CSMD1: variants seen among roughly 807,000 people sequenced by gnomAD.
The protein encoded by CSMD1 is CUB and Sushi multiple domains 1.
CSMD1 carries 213 observed loss-of-function variants against 417.5 expected under a neutral mutation model. That is an observed-to-expected ratio of 0.51 (90% CI 0.46 to 0.57). The LOEUF (loss-of-function observed/expected upper bound fraction) is 0.57, where lower values mean the gene tolerates loss of function less well. CSMD1 is among the 20% of genes least tolerant of loss of function. The probability of loss-of-function intolerance (pLI) is 0.00; values close to 1 mark genes in which losing one functional copy is unlikely to be tolerated. For synonymous variants in CSMD1, 2,862 were observed against 1,736.8 expected (o/e 1.65, Z -16.11); for missense variants, 6,923 against 4,529.7 (o/e 1.53, Z -15.17).
intron 1 of CSMD1, among the ~76,000 whole-genome samples, chr8:4,837,824 T>G (rs1800592620): frequency 6.6e-6 from 1 of 152,162 alleles, no homozygotes; most frequent in African/African-American, 2.4e-5. Flanking sequence ...ATGATGCACT[T>G]ATTTGATATA....
At chr8:3,890,840 T>C (rs764525170) in intron 5 of CSMD1, among the ~76,000 whole-genome samples, 1 of 152,112 alleles carries the variant, frequency 6.6e-6, no homozygotes, top group African/African-American at 2.4e-5. Flanking sequence ...AAAATGCTCA[T>C]ACTCAGTAAG....
chr8:2,968,940 A>C (rs1490668607), intron 57 of CSMD1, among the ~76,000 whole-genome samples: 7 of 152,140 alleles, frequency 4.6e-5, no homozygotes, highest in Non-Finnish European at 1.0e-4. Context: ...ATATAATAAA[A>C]TATTATGCTT....
At chr8:4,735,776 T>A (rs1220859008) in intron 1 of CSMD1, among the ~76,000 whole-genome samples, 1 of 152,102 alleles carries the variant, frequency 6.6e-6, no homozygotes, top group East Asian at 1.9e-4. Flanking sequence ...AGCCGAGGAT[T>A]TGAATTTTAG....
intron 3 of CSMD1, among the ~76,000 whole-genome samples, chr8:4,332,306 T>C (rs1799910911): frequency 6.6e-6 from 1 of 152,100 alleles, no homozygotes; most frequent in African/African-American, 2.4e-5. Context: ...GGAGATGCTC[T>C]TTCAGTCCTT....
chr8:4,682,212 T>G (rs927852898), intron 1 of CSMD1, among the ~76,000 whole-genome samples: 1 of 152,084 alleles, frequency 6.6e-6, no homozygotes, highest in Non-Finnish European at 1.5e-5. Flanking sequence ...ATTGTTTTTG[T>G]AGAGATGGGA....
intron 1 of CSMD1, among the ~76,000 whole-genome samples, chr8:4,936,144 T>C (rs1420790357): frequency 6.6e-6 from 1 of 152,234 alleles, no homozygotes; most frequent in Non-Finnish European, 1.5e-5. Context: ...CACATAATCT[T>C]TCTTGCTACA....
chr8:4,392,456 T>C (rs1369068285), intron 3 of CSMD1, among the ~76,000 whole-genome samples: 1 of 152,016 alleles, frequency 6.6e-6, no homozygotes, highest in South Asian at 2.1e-4. Flanking sequence ...TTAAAAGAAT[T>C]ATCAGTCCAT....
chr8:4,096,469 T>C (rs551485951), intron 3 of CSMD1, among the ~76,000 whole-genome samples: 99 of 152,146 alleles, frequency 6.5e-4, no homozygotes, highest in Non-Finnish European at 1.1e-3. Flanking sequence ...GTAAGAATCT[T>C]TGAGGCAATC....
intron 10 of CSMD1, among the ~76,000 whole-genome samples, chr8:3,559,366 T>A (rs1442897257): frequency 1.3e-5 from 2 of 152,178 alleles, no homozygotes; most frequent in Non-Finnish European, 2.9e-5. Context: ...AGGAGTAAGC[T>A]GATGGGAAGA....
intron 1 of CSMD1, among the ~76,000 whole-genome samples, chr8:4,983,649 T>C (rs922229751): frequency 1.3e-5 from 2 of 152,082 alleles, no homozygotes; most frequent in African/African-American, 2.4e-5. Flanking sequence ...CAACCTCCCA[T>C]GTAGCTTGGA....
At chr8:3,999,454 G>A (rs543171893) in intron 4 of CSMD1, among the ~76,000 whole-genome samples, 3 of 152,218 alleles carry the variant, frequency 2.0e-5, no homozygotes, top group African/African-American at 7.2e-5. Context: ...AGCGATGTTC[G>A]TTTTATTTTG....
intron 20 of CSMD1, among the ~76,000 whole-genome samples, chr8:3,361,588 G>A (rs181599944): frequency 4.2e-4 from 58 of 138,390 alleles, no homozygotes; most frequent in African/African-American, 1.4e-3. Context: ...GGAGGTGGAG[G>A]TTGCAGTGAG....
rs185921996 is a variant in CSMD1 at position 4,730,145 on chromosome 8, C to T, written c.86-92587G>A. Among the ~76,000 whole-genome samples the T allele has an allele frequency of 6.3e-4, 95 of 151,996 alleles. 2 individuals carry two copies. The highest frequency in any genetic ancestry group is 2.4e-4 in the Non-Finnish European group (16 of 67,978). On this transcript the variant is annotated intron_variant, in intron 1 of 69. Transcript: ENST00000635120. ...GCATTGAGAAGTACTTGGAGAGATT[C>T]CCAGAATGCAAAGCATGGTCTCAGT... is the stretch of plus-strand genomic sequence containing the variant.
intron 6 of CSMD1, among the ~76,000 whole-genome samples, chr8:3,746,284 A>G (rs182998884): frequency 3.9e-4 from 59 of 152,346 alleles, no homozygotes; most frequent in African/African-American, 1.3e-3. Context: ...GGGATTGATA[A>G]CCTACCTGAA....
chr8:4,447,072 TCA>T (rs1798859460), intron 2 of CSMD1, among the ~76,000 whole-genome samples: 1 of 152,096 alleles, frequency 6.6e-6, no homozygotes, highest in South Asian at 2.1e-4. Context: ...GAGCCTAGCC[TCA>T]GTTATGACAG....
chr8:3,997,503 A>G (rs1212990161), intron 5 of CSMD1, among the ~76,000 whole-genome samples: 1 of 152,222 alleles, frequency 6.6e-6, no homozygotes, highest in Non-Finnish European at 1.5e-5. Context: ...AAAGGAAAGC[A>G]CAATCATATA....
intron 5 of CSMD1, among the ~76,000 whole-genome samples, chr8:3,877,669 G>A (rs989125766): frequency 7.9e-6 from 1 of 127,234 alleles, no homozygotes; most frequent in African/African-American, 3.9e-5. Context: ...CCTGAATAAG[G>A]GTCTGAGCAC....
At chr8:3,875,409 G>A (rs1171841009) in intron 5 of CSMD1, among the ~76,000 whole-genome samples, 2 of 152,138 alleles carry the variant, frequency 1.3e-5, no homozygotes, top group African/African-American at 4.8e-5. Context: ...ATGAAGTTAT[G>A]GATTGGAGGA....
intron 1 of CSMD1, among the ~76,000 whole-genome samples, chr8:4,658,391 G>C (rs1267365864): frequency 6.6e-6 from 1 of 152,028 alleles, no homozygotes; most frequent in African/African-American, 2.4e-5. Flanking sequence ...TCCTTAGAAA[G>C]AGCACCTGCA....
Sources: allele counts gnomAD v4.1 joint callset (sites outside exome capture counted in the v4.1 genomes callset), GRCh38; gene constraint gnomAD v4.1.1; transcripts MANE v1.5; gene names NCBI Gene and HGNC (gene_info 2026-07-23, HGNC 2026-07-21).